Variants in HTRA1 observed in about 807,000 individuals in gnomAD.
The protein encoded by HTRA1 is HtrA serine peptidase 1.
HTRA1 carries 26 observed loss-of-function variants against 49.7 expected under a neutral mutation model. The observed-to-expected ratio is 0.52, with a 90% CI of 0.38 to 0.73. The LOEUF is 0.73. Ranked by LOEUF, HTRA1 falls within the 30% of genes least tolerant of loss-of-function variation. HTRA1 has a pLI of 0.00. For synonymous variants in HTRA1, 291 were observed against 286.9 expected (o/e 1.01, Z -0.14); for missense variants, 561 against 667.2 (o/e 0.84, Z 1.75).
intron 1 of HTRA1, among the ~76,000 whole-genome samples, chr10:122,486,961 G>T (rs1453388258): frequency 6.6e-6 from 1 of 152,052 alleles, no homozygotes; most frequent in East Asian, 1.9e-4. Context: ...GAGTTTGTGT[G>T]TGTGTGTGCA....
At chr10:122,481,387 G>T (rs961232113) in intron 1 of HTRA1, among the ~76,000 whole-genome samples, 1 of 152,188 alleles carries the variant, frequency 6.6e-6, no homozygotes, top group Non-Finnish European at 1.5e-5. Context: ...CACCCTGATG[G>T]GATAGATGTG....
At position 122,490,807 on chromosome 10, in the gene HTRA1, C is replaced by T. The variant is rs1185101298; in HGVS notation, c.777+1181C>T. Among the ~76,000 whole-genome samples, 2 of 152,142 alleles carry T rather than the reference C, an allele frequency of 1.3e-5. No individual in the cohort carries two copies. Among genetic ancestry groups the T allele is most frequent in the African/African-American group, 2.4e-5 (1 of 41,418 alleles). ...GTGTGCTGTTTGGGTGGTAGGATTC[C>T]GGGTCTCCTTCTCCGTCTTTTTATA... On this transcript the variant is annotated intron_variant, in intron 3 of 8. Transcript: ENST00000368984. The surrounding 1 kb of genome is among the most constrained non-coding windows in gnomAD (Gnocchi z 4.2).
intron 1 of HTRA1, among the ~76,000 whole-genome samples, chr10:122,468,239 A>C (rs1436901115): frequency 6.6e-6 from 1 of 152,118 alleles, no homozygotes; most frequent in Non-Finnish European, 1.5e-5. Flanking sequence ...GGGTGACTTC[A>C]TCTCTAAGTC....
chr10:122,488,786 C>A, intron 1 of HTRA1, 116 bp from the exon 2 acceptor site: 1 of 877,662 alleles, frequency 1.1e-6, no homozygotes, highest in Non-Finnish European at 1.9e-6. Flanking sequence ...TGCGCTCACT[C>A]CGCCTTCAGA....
chr10:122,507,979 G>A (rs2097503891), intron 5 of HTRA1, among the ~76,000 whole-genome samples: 1 of 152,090 alleles, frequency 6.6e-6, no homozygotes, highest in Admixed American at 6.5e-5. Flanking sequence ...ATTTATAGAG[G>A]GCAGCTCTGG....
intron 3 of HTRA1, among the ~76,000 whole-genome samples, chr10:122,493,513 C>T (rs1171250794): frequency 6.6e-6 from 1 of 151,542 alleles, no homozygotes; most frequent in Non-Finnish European, 1.5e-5. Flanking sequence ...GTTTTTTTTT[C>T]CTGAGCAGTT....
In HTRA1 at chr10:122,505,707, C is replaced by T. The variant is rs139648148; in HGVS notation, c.778-984C>T. 4.9e-3 allele frequency among the ~76,000 whole-genome samples: 739 copies of T among 152,296 alleles called. 12 individuals are homozygous for T. Among genetic ancestry groups the T allele is most frequent in the African/African-American group, 0.015 (641 of 41,570 alleles). On this transcript the variant is annotated intron_variant, in intron 3 of 8. Coordinates refer to ENST00000368984, the MANE Select transcript of HTRA1 (RefSeq NM_002775.5). ...TGAGGCTCTGGAGTTGCAGTTCCCA[C>T]GAGGGCTGGGGTGGCTGTCTGATTT...
chr10:122,473,244 G>C lies in HTRA1; in HGVS notation c.472+11120G>C, dbSNP rs140456966. ...GAGGGGCTTGGGTGTTTGTCGGCTT[G>C]TCCTTCTAACACTCGTGTCTCAGGC... is the stretch of plus-strand genomic sequence containing the variant. On this transcript the variant is annotated intron_variant, in intron 1 of 8. Coordinates refer to ENST00000368984, the MANE Select transcript of HTRA1 (RefSeq NM_002775.5). 4.7e-3 allele frequency among the ~76,000 whole-genome samples: 712 copies of C among 152,258 alleles called. 3 individuals carry two copies. The highest frequency in any genetic ancestry group is 0.015 in the African/African-American group (609 of 41,536).
chr10:122,509,539 C>T (rs1332810657), intron 6 of HTRA1, among the ~76,000 whole-genome samples: 1 of 152,168 alleles, frequency 6.6e-6, no homozygotes, highest in East Asian at 1.9e-4. Context: ...TGGAGTTCCC[C>T]GGGGTGGAAA....
At chr10:122,510,274 T>C in intron 7 of HTRA1, 121 bp downstream of exon 7, 1 of 800,028 alleles carries the variant, frequency 1.2e-6, no homozygotes, top group South Asian at 1.4e-5. Context: ...AGTTTCTGCT[T>C]ATAATGAAGT....
At chr10:122,488,012 G>A (rs958354216) in intron 1 of HTRA1, among the ~76,000 whole-genome samples, 1 of 152,170 alleles carries the variant, frequency 6.6e-6, no homozygotes, top group African/African-American at 2.4e-5. Context: ...GGGTTGGAAC[G>A]TGTGGTTAAG....
At chr10:122,463,352 C>T (rs2097482423) in intron 1 of HTRA1, among the ~76,000 whole-genome samples, 1 of 150,080 alleles carries the variant, frequency 6.7e-6, no homozygotes, top group South Asian at 2.2e-4. Context: ...CCTAGTCAGG[C>T]AGTAGAGAGT....
chr10:122,514,686 T>C lies in HTRA1; in HGVS notation c.*327T>C, dbSNP rs1305673203. Reference sequence around the variant, plus strand: ...CATCATCTTAGTCCAACTAATGCAGTCGATACAATGCGTAGATAGAAGAAG... The same window carrying C: ...CATCATCTTAGTCCAACTAATGCAGCCGATACAATGCGTAGATAGAAGAAG... On this transcript the variant is annotated 3_prime_UTR_variant, in exon 9 of 9. Coordinates refer to ENST00000368984, the MANE Select transcript of HTRA1 (RefSeq NM_002775.5). 1 of 369,160 alleles carries C rather than the reference T, an allele frequency of 2.7e-6. No individual in the cohort carries two copies. The highest frequency in any genetic ancestry group is 2.1e-5 in the African/African-American group (1 of 47,476). 22.9% of individuals were successfully genotyped at this position (369,160 alleles called of 1,614,324 possible). A position where few individuals can be genotyped will look rare whatever the true frequency, so the allele number is the denominator to read the frequency against.
At chr10:122,483,986 A>G (rs1246252090) in intron 1 of HTRA1, among the ~76,000 whole-genome samples, 1 of 152,246 alleles carries the variant, frequency 6.6e-6, no homozygotes, top group Non-Finnish European at 1.5e-5. Context: ...TATCATATAT[A>G]TCATCTGCAA....
intron 3 of HTRA1, among the ~76,000 whole-genome samples, chr10:122,493,198 C>CA (rs1172737964): frequency 6.6e-6 from 1 of 152,170 alleles, no homozygotes; most frequent in African/African-American, 2.4e-5. Context: ...TGTCTCCCTC[C>CA]AAGCAGGAGG....
chr10:122,508,315 G>T (rs1050366910), intron 5 of HTRA1, among the ~76,000 whole-genome samples: 1 of 152,228 alleles, frequency 6.6e-6, no homozygotes, highest in African/African-American at 2.4e-5. Context: ...GAAGCAGGAA[G>T]GTGTGGGCAG....
intron 1 of HTRA1, among the ~76,000 whole-genome samples, chr10:122,470,862 G>T (rs756961183): frequency 6.6e-6 from 1 of 152,122 alleles, no homozygotes; most frequent in Non-Finnish European, 1.5e-5. Context: ...GGGTGTCAAA[G>T]CATGGGTCTC....
intron 1 of HTRA1, among the ~76,000 whole-genome samples, chr10:122,475,765 C>T (rs1038726671): frequency 4.6e-5 from 7 of 152,212 alleles, no homozygotes; most frequent in African/African-American, 7.2e-5. Flanking sequence ...CCCATGTCCC[C>T]GGCGCCCTGG....
In HTRA1 at chr10:122,514,289, T is replaced by A; in HGVS notation, c.1373T>A (p.Leu458Gln). ...VSDVIKREST[L>Q]NMVVRRGNED... ...GACGTCATTAAAAGGGAAAGCACCC[T>A]GAACATGGTGGTCCGCAGGGGTAAT... is the stretch of plus-strand genomic sequence containing the variant. The change falls in exon 9 of 9, where the codon CTG (leucine) becomes CAG (glutamine). Residue 458 changes from leucine to glutamine, a missense_variant. This residue lies in a region of HTRA1 where 179 missense variants were observed against 173.4 expected (regional missense o/e 1.03). Coordinates refer to ENST00000368984, the MANE Select transcript of HTRA1 (RefSeq NM_002775.5). The A allele has an allele frequency of 6.2e-7, 1 of 1,614,188 alleles. No individual in the cohort carries two copies. The highest frequency in any genetic ancestry group is 8.5e-7 in the Non-Finnish European group (1 of 1,180,030).
Sources: allele counts gnomAD v4.1 joint callset (sites outside exome capture counted in the v4.1 genomes callset), GRCh38; gene constraint gnomAD v4.1.1; regional missense constraint gnomAD v4.1.1; non-coding constraint Gnocchi (gnomAD v3.1); transcripts MANE v1.5; gene names NCBI Gene and HGNC (gene_info 2026-07-23, HGNC 2026-07-21).